The following VPS13D variants were observed in gnomAD, a reference collection of about 807,000 sequenced individuals.
The protein encoded by VPS13D is intermembrane lipid transfer protein VPS13D.
In VPS13D, 187 loss-of-function variants were observed where a neutral mutation model predicts 461.9. The ratio of observed to expected loss-of-function variants is 0.40; its 90% CI spans 0.36 to 0.46. The LOEUF (loss-of-function observed/expected upper bound fraction) is 0.46. Ranked by LOEUF, VPS13D falls within the 20% of genes least tolerant of loss-of-function variation. VPS13D has a pLI of 0.60. For synonymous variants in VPS13D, 1,951 were observed against 1,986.3 expected (o/e 0.98, Z 0.47); for missense variants, 4,711 against 5,364.9 (o/e 0.88, Z 3.81).
chr1:12,464,274 G>A (rs1479130410), intron 67 of VPS13D, among the ~76,000 whole-genome samples: 2 of 152,190 alleles, frequency 1.3e-5, no homozygotes, highest in Non-Finnish European at 2.9e-5. Context: ...GATTCTGACC[G>A]AGGGTTGACC....
intron 2 of VPS13D, among the ~76,000 whole-genome samples, chr1:12,237,109 A>G (rs965096638): frequency 4.6e-5 from 7 of 150,686 alleles, no homozygotes; most frequent in Non-Finnish European, 7.4e-5. Context: ...GTATGTGTGT[A>G]TATATATATA....
chr1:12,234,219 TAAAG>T lies in VPS13D; in HGVS notation c.-45_-42del, dbSNP rs750637567. On this transcript the variant is annotated 5_prime_UTR_variant, in exon 2 of 70. It adds an upstream start codon to the 5' untranslated region. Coordinates refer to ENST00000620676, the MANE Select transcript of VPS13D (RefSeq NM_015378.4). ...TTTCTGTGACCATGAAAGAGAGAAA[TAAAG>T]AATGATCCATGATTTCTAAACACCT... The T allele has an allele frequency of 2.3e-6, 3 of 1,307,670 alleles. No individual in the cohort carries two copies. Among genetic ancestry groups the T allele is most frequent in the South Asian group, 2.4e-5 (2 of 81,758 alleles). 81.0% of individuals were successfully genotyped at this position (1,307,670 alleles called of 1,614,324 possible).
rs116541956 is a variant in VPS13D, at chr1:12,262,993, T to G, written c.1594+913T>G. ...TGCCAGGATTACAGGCCTGAGCCAT[T>G]GCGCTCAGCTGATTTATGATATTTT... On this transcript the variant is annotated intron_variant, in intron 13 of 69. Transcript: ENST00000620676. Among the ~76,000 whole-genome samples, 523 of 152,256 alleles carry G rather than the reference T, an allele frequency of 3.4e-3. 5 individuals are homozygous for G. Among genetic ancestry groups the G allele is most frequent in the African/African-American group, 0.012 (508 of 41,560 alleles).
intron 40 of VPS13D, among the ~76,000 whole-genome samples, chr1:12,338,854 A>C (rs948343143): frequency 3.3e-5 from 5 of 152,214 alleles, no homozygotes; most frequent in African/African-American, 1.2e-4. Flanking sequence ...CTGATCTTTG[A>C]AAGTTTCTTG....
intron 5 of VPS13D, 31 bp from the exon 6 acceptor site, chr1:12,249,192 A>T (rs1412275563): frequency 6.5e-7 from 1 of 1,529,184 alleles, no homozygotes; most frequent in East Asian, 2.3e-5. Flanking sequence ...CTGCAGGTGC[A>T]TCAGCTGCTT....
At chr1:12,345,797 G>A (rs1557722907) in intron 43 of VPS13D, among the ~76,000 whole-genome samples, 1 of 152,206 alleles carries the variant, frequency 6.6e-6, no homozygotes, top group East Asian at 1.9e-4. Flanking sequence ...TGCTGAACCT[G>A]AGTCTTGTTT....
chr1:12,499,121 CTTTGGATGGGGGG>C lies in VPS13D; in HGVS notation c.12794+1492_12794+1504del, dbSNP rs1211990282. Among the ~76,000 whole-genome samples, 7 of 151,984 alleles carry C rather than the reference CTTTGGATGGGGGG, an allele frequency of 4.6e-5. No individual in the cohort carries two copies. In the South Asian group the frequency reaches 1.0e-3, roughly 23 times the overall value. On this transcript the variant is annotated intron_variant, in intron 68 of 69. Coordinates refer to ENST00000620676, the MANE Select transcript of VPS13D (RefSeq NM_015378.4). ...TTGCTTTGTAGATGGAACTTTTAGC[CTTTGGATGGGGGG>C]TCTAGAGACCCCCCATCCAAATTTC... is the stretch of plus-strand genomic sequence containing the variant.
chr1:12,397,572 G>A (rs1035861023), intron 60 of VPS13D, among the ~76,000 whole-genome samples: 8 of 152,184 alleles, frequency 5.3e-5, no homozygotes, highest in African/African-American at 1.9e-4. Flanking sequence ...TCAAGTGTGT[G>A]CCCGACACTG....
chr1:12,396,227 G>C (rs1644497072), intron 60 of VPS13D, among the ~76,000 whole-genome samples: 1 of 151,696 alleles, frequency 6.6e-6, no homozygotes, highest in Non-Finnish European at 1.5e-5. Context: ...TTTGTTTGCA[G>C]TGTGACTGTA....
Position 12,277,941 on chromosome 1 carries a change from G to T in VPS13D, c.4353G>T (p.Arg1451=). 6.2e-7 allele frequency: 1 copy of T among 1,614,192 alleles called. No individual in the cohort carries two copies. The highest frequency in any genetic ancestry group is 8.5e-7 in the Non-Finnish European group (1 of 1,180,032). The change falls in exon 19 of 70, where the codon CGG becomes CGT. Residue 1451 remains arginine (R), a synonymous_variant. Coordinates refer to ENST00000620676, the MANE Select transcript of VPS13D (RefSeq NM_015378.4). ...GREAVGSEGS[R]MFCPPSGSGS... is the part of the protein sequence containing the mutation. ...AAGCTGTTGGGTCTGAAGGAAGCCG[G>T]ATGTTTTGCCCACCTTCCGGGTCTG...
chr1:12,446,711 G>A (rs1287289346), intron 65 of VPS13D, among the ~76,000 whole-genome samples: 2 of 152,096 alleles, frequency 1.3e-5, no homozygotes, highest in East Asian at 3.8e-4. Flanking sequence ...TTTTAGCTTT[G>A]GTGTTCTACG....
At chr1:12,359,198 C>T (rs1643915819) in intron 50 of VPS13D, among the ~76,000 whole-genome samples, 1 of 152,210 alleles carries the variant, frequency 6.6e-6, no homozygotes. Flanking sequence ...CTCATAGCCA[C>T]TTGAGAACGC....
chr1:12,342,965 T>TA lies in VPS13D; in HGVS notation c.8800dup (p.Thr2934AsnfsTer5). 1 of 1,614,000 alleles carries TA rather than the reference T, an allele frequency of 6.2e-7. No individual in the cohort carries two copies. The highest frequency in any genetic ancestry group is 8.5e-7 in the Non-Finnish European group (1 of 1,179,878). ...AAGGGAACGGAACATTTCTCGATGATACTCACAATGTTAGTGAATGGCGAG... is the reference window on the plus strand; with the variant it reads ...AAGGGAACGGAACATTTCTCGATGATAACTCACAATGTTAGTGAATGGCGAG... On this transcript the variant is annotated frameshift_variant, in exon 42 of 70. Transcript: ENST00000620676. LOFTEE classifies it high-confidence loss of function.
intron 67 of VPS13D, among the ~76,000 whole-genome samples, chr1:12,480,660 A>G (rs1192549840): frequency 2.6e-5 from 4 of 152,180 alleles, no homozygotes; most frequent in African/African-American, 9.6e-5. Flanking sequence ...GTTAAATTGT[A>G]TAAAGGAATT....
rs79581732 is a variant in VPS13D, at chr1:12,403,448, C to T, written c.11882-377C>T. Among the ~76,000 whole-genome samples, 544 of 152,332 alleles carry T rather than the reference C, an allele frequency of 3.6e-3. 3 individuals are homozygous for T. The highest frequency in any genetic ancestry group is 0.013 in the African/African-American group (524 of 41,576). On this transcript the variant is annotated intron_variant, in intron 62 of 69. Transcript: ENST00000620676. ...ATTCAGTTACACTGCACTCCAAGAC[C>T]TTATTTGGATATGATCCTAGGAAAA... is the stretch of plus-strand genomic sequence containing the variant.
intron 26 of VPS13D, among the ~76,000 whole-genome samples, chr1:12,305,535 C>A (rs956745242): frequency 6.6e-6 from 1 of 152,186 alleles, no homozygotes; most frequent in Non-Finnish European, 1.5e-5. Flanking sequence ...AGTGATCCTC[C>A]TGCCTCAGCC....
Position 12,362,839 on chromosome 1 carries a change from G to T in VPS13D, c.10261G>T (p.Ala3421Ser), listed in dbSNP as rs746606022. ...HKLAFAQREF[A>S]RGQGTANPEG... Reference sequence around the variant, plus strand: ...GCTTGCATTTGCACAGAGGGAATTTGCCAGGGGACAGGTGAGCAGTTTGCT... The same window carrying T: ...GCTTGCATTTGCACAGAGGGAATTTTCCAGGGGACAGGTGAGCAGTTTGCT... The change falls in exon 51 of 70, where the codon GCC (alanine) becomes TCC (serine). Residue 3421 changes from alanine to serine, a missense_variant. By Grantham distance (99) the Ala-to-Ser change is moderately conservative (BLOSUM62 1). Around this residue, in one of 3 missense-constraint regions of VPS13D, gnomAD observed 4,411 missense variants for 4,937.8 expected, o/e 0.89. Coordinates refer to ENST00000620676, the MANE Select transcript of VPS13D (RefSeq NM_015378.4). The T allele has an allele frequency of 1.9e-6, 3 of 1,613,994 alleles. No homozygotes were observed. In the East Asian group the frequency reaches 6.7e-5, roughly 36 times the overall value.
Position 12,509,039 on chromosome 1 carries a change from G to T in VPS13D, c.*15G>T. 6.2e-7 allele frequency: 1 copy of T among 1,613,198 alleles called. No homozygotes were observed. Among genetic ancestry groups the T allele is most frequent in the Admixed American group, 1.7e-5 (1 of 59,926 alleles). ...TGGACTCCTGAAGCCCCGCTGCTGA[G>T]ATGGGCGCTCCCGACACAGCGCAGA... On this transcript the variant is annotated 3_prime_UTR_variant, in exon 70 of 70. Transcript: ENST00000620676.
chr1:12,320,083 T>C (rs781465729), intron 32 of VPS13D, among the ~76,000 whole-genome samples: 3 of 152,248 alleles, frequency 2.0e-5, no homozygotes, highest in South Asian at 2.1e-4. Flanking sequence ...AAGGATCTTA[T>C]ATGTTATCCT....
Sources: allele counts gnomAD v4.1 joint callset (sites outside exome capture counted in the v4.1 genomes callset), GRCh38; gene constraint gnomAD v4.1.1; regional missense constraint gnomAD v4.1.1; transcripts MANE v1.5; gene names NCBI Gene and HGNC (gene_info 2026-07-23, HGNC 2026-07-21).